PRKG1: variants seen among roughly 807,000 people sequenced by gnomAD.
PRKG1 encodes cGMP-dependent protein kinase 1.
In PRKG1, 35 loss-of-function variants were observed where a neutral mutation model predicts 88.1. The observed-to-expected ratio is 0.40, with a 90% CI of 0.30 to 0.53. The LOEUF is 0.53. Among genes scored for constraint, PRKG1 ranks in the 20% least tolerant of loss-of-function variants. PRKG1 has a pLI of 0.59. For missense variants in PRKG1, 540 were observed against 839.8 expected, an observed-to-expected ratio of 0.64 and a Z score of 4.41; for synonymous variants, 303 against 292.5, an observed-to-expected ratio of 1.04 and a Z score of -0.37.
intron 5 of PRKG1, among the ~76,000 whole-genome samples, chr10:51,981,583 C>T (rs973600820): frequency 1.1e-4 from 16 of 151,880 alleles, no homozygotes; most frequent in African/African-American, 3.6e-4. Flanking sequence ...AAGACTCTGT[C>T]TCAATAAATA....
chr10:51,483,336 A>G (rs1840428836), intron 3 of PRKG1, among the ~76,000 whole-genome samples: 1 of 151,976 alleles, frequency 6.6e-6, no homozygotes, highest in Admixed American at 6.6e-5. Context: ...AGCCATTTCT[A>G]TTTTGGTGCC....
intron 2 of PRKG1, among the ~76,000 whole-genome samples, chr10:51,360,237 A>G (rs1842451164): frequency 6.6e-6 from 1 of 151,938 alleles, no homozygotes; most frequent in African/African-American, 2.4e-5. Context: ...CTGTTACATT[A>G]TGCAGCATCA....
chr10:51,743,711 AATATATATATATATAATATAAACTAAAT>A (rs1220145378), intron 3 of PRKG1, among the ~76,000 whole-genome samples: 30 of 115,146 alleles, frequency 2.6e-4, no homozygotes, highest in African/African-American at 9.3e-4. Context: ...ATATAAACTA[AATATATATATATATAATATAAACTAAAT>A]ATATATATAT....
intron 7 of PRKG1, among the ~76,000 whole-genome samples, chr10:52,090,074 A>G (rs1467446720): frequency 6.6e-6 from 1 of 151,836 alleles, no homozygotes; most frequent in African/African-American, 2.4e-5. Context: ...TGCCCTCTCA[A>G]AGTGTTGGGA....
intron 2 of PRKG1, among the ~76,000 whole-genome samples, chr10:51,203,449 T>C (rs935719487): frequency 1.3e-5 from 2 of 152,172 alleles, no homozygotes; most frequent in South Asian, 2.1e-4. Context: ...TGATGACTTA[T>C]GACAGTTTGA....
intron 3 of PRKG1, among the ~76,000 whole-genome samples, chr10:51,635,983 G>C (rs577700239): frequency 4.2e-4 from 64 of 152,214 alleles, no homozygotes; most frequent in African/African-American, 1.5e-3. Flanking sequence ...AAGTAAAGGG[G>C]TACCTTGGTT....
At chr10:51,219,474 C>A (rs113625044) in intron 2 of PRKG1, among the ~76,000 whole-genome samples, 3,007 of 152,048 alleles carry the variant, frequency 0.02, 42 homozygotes, top group Middle Eastern at 0.048. Context: ...CTTCGGGAGG[C>A]TGTGGCGGGT....
At chr10:51,051,908 C>T (rs1843566540) in intron 1 of PRKG1, among the ~76,000 whole-genome samples, 1 of 152,014 alleles carries the variant, frequency 6.6e-6, no homozygotes, top group Non-Finnish European at 1.5e-5. Context: ...TAAATATTAA[C>T]CCTAACTAAC....
intron 4 of PRKG1, among the ~76,000 whole-genome samples, chr10:51,838,801 C>A (rs1446475957): frequency 1.3e-5 from 2 of 151,924 alleles, no homozygotes; most frequent in Non-Finnish European, 2.9e-5. Context: ...CTATTGTTAG[C>A]CTAATGGGAA....
intron 3 of PRKG1, among the ~76,000 whole-genome samples, chr10:51,576,727 A>G (rs1589099428): frequency 6.6e-6 from 1 of 152,100 alleles, no homozygotes; most frequent in Non-Finnish European, 1.5e-5. Flanking sequence ...AAATTAGATT[A>G]TATCAATATT....
chr10:51,519,497 G>A (rs758141985), intron 3 of PRKG1, among the ~76,000 whole-genome samples: 6 of 152,014 alleles, frequency 3.9e-5, no homozygotes, highest in Non-Finnish European at 7.4e-5. Flanking sequence ...AAAAACATGA[G>A]GGGGGAAATC....
At chr10:51,610,006 T>A (rs186578863) in intron 3 of PRKG1, among the ~76,000 whole-genome samples, 1 of 151,726 alleles carries the variant, frequency 6.6e-6, no homozygotes, top group Non-Finnish European at 1.5e-5. Flanking sequence ...AAAAAAAATT[T>A]TTTTGATCCA....
chr10:51,575,676 T>C (rs1837868473), intron 3 of PRKG1, among the ~76,000 whole-genome samples: 1 of 151,890 alleles, frequency 6.6e-6, no homozygotes, highest in Admixed American at 6.6e-5. Flanking sequence ...TGTGTATAAC[T>C]GTCCCACTTT....
chr10:51,797,364 AATAT>A (rs1407458008), intron 3 of PRKG1, among the ~76,000 whole-genome samples: 1 of 146,520 alleles, frequency 6.8e-6, no homozygotes, highest in Non-Finnish European at 1.5e-5. Flanking sequence ...TATATAAGAG[AATAT>A]ATAATAAAAT....
chr10:51,677,540 T>C (rs139332572), intron 3 of PRKG1, among the ~76,000 whole-genome samples: 289 of 152,330 alleles, frequency 1.9e-3, no homozygotes, highest in African/African-American at 6.8e-3. Context: ...TGGTTCAGAA[T>C]GGGGCAGGTC....
At chr10:51,623,499 C>T (rs1000223616) in intron 3 of PRKG1, among the ~76,000 whole-genome samples, 1 of 152,050 alleles carries the variant, frequency 6.6e-6, no homozygotes, top group Non-Finnish European at 1.5e-5. Context: ...AGCTATTGTG[C>T]ACAACCACAA....
Position 51,440,132 on chromosome 10 carries a change from T to C in PRKG1, c.479-27591T>C, listed in dbSNP as rs543959205. On this transcript the variant is annotated intron_variant, in intron 2 of 17. Coordinates refer to ENST00000373980, the MANE Select transcript of PRKG1 (RefSeq NM_006258.4). ...CTGAGTCAGGACAAAAATAAAGTTC[T>C]TTTGACGTTGAGTATGATACTCCGT... is the stretch of plus-strand genomic sequence containing the variant. Among the ~76,000 whole-genome samples, 13 of 152,076 alleles carry C rather than the reference T, an allele frequency of 8.5e-5. No homozygotes were observed. The South Asian group carries it at 2.7e-3, about 31-fold the overall frequency.
chr10:51,683,012 G>A lies in PRKG1; in HGVS notation c.593-121573G>A, dbSNP rs116567068. On this transcript the variant is annotated intron_variant, in intron 3 of 17. Transcript: ENST00000373980. Reference sequence around the variant, plus strand: ...ATAAATAATTCCTTTCATATTTTAGGGACACTGTTATCTGATTATCCATTT... The same window carrying A: ...ATAAATAATTCCTTTCATATTTTAGAGACACTGTTATCTGATTATCCATTT... 5.3e-3 allele frequency among the ~76,000 whole-genome samples: 803 copies of A among 152,202 alleles called. 6 individuals carry two copies. Among genetic ancestry groups the A allele is most frequent in the African/African-American group, 0.018 (747 of 41,490 alleles).
At chr10:52,011,287 C>T (rs1844872408) in intron 5 of PRKG1, among the ~76,000 whole-genome samples, 1 of 152,144 alleles carries the variant, frequency 6.6e-6, no homozygotes, top group South Asian at 2.1e-4. Context: ...CATAGATCAG[C>T]TGGTATTAAT....
Sources: allele counts gnomAD v4.1 joint callset (sites outside exome capture counted in the v4.1 genomes callset), GRCh38; gene constraint gnomAD v4.1.1; transcripts MANE v1.5; gene names NCBI Gene and HGNC (gene_info 2026-07-23, HGNC 2026-07-21).